Variants in DGLUCY observed in about 807,000 individuals in gnomAD.
DGLUCY encodes the protein D-glutamate cyclase, mitochondrial.
A neutral mutation model predicts 58.5 loss-of-function variants in DGLUCY; 58 were observed. The ratio of observed to expected loss-of-function variants is 0.99; its 90% CI spans 0.80 to 1.23. The LOEUF (loss-of-function observed/expected upper bound fraction) is 1.23, where lower values mean the gene tolerates loss of function less well. Among genes scored for constraint, DGLUCY ranks in the 50% most tolerant of loss-of-function variants. The pLI is 0.00. For missense variants in DGLUCY, 779 were observed against 784.7 expected (o/e 0.99, Z 0.09); for synonymous variants, 325 against 314.1 (o/e 1.03, Z -0.37).
intron 1 of DGLUCY, among the ~76,000 whole-genome samples, chr14:91,155,028 C>G (rs867349697): frequency 1.2e-4 from 18 of 152,208 alleles, no homozygotes; most frequent in African/African-American, 3.9e-4. Context: ...CCCTCCCCAG[C>G]CTGCTTCTAG....
At chr14:91,102,154 T>C (rs934415059) in intron 1 of DGLUCY, among the ~76,000 whole-genome samples, 1 of 152,216 alleles carries the variant, frequency 6.6e-6, no homozygotes, top group Non-Finnish European at 1.5e-5. Flanking sequence ...ATCTACTATG[T>C]ATCAATAAAT....
intron 12 of DGLUCY, among the ~76,000 whole-genome samples, chr14:91,211,268 A>G (rs1885641097): frequency 6.6e-6 from 1 of 152,230 alleles, no homozygotes; most frequent in Admixed American, 6.5e-5. Context: ...AACTTGATCA[A>G]TAAATTTGAT....
At chr14:91,173,474 G>C (rs771261342) in intron 6 of DGLUCY, 35 bp downstream of exon 6, 9 of 1,554,272 alleles carry the variant, frequency 5.8e-6, no homozygotes, top group South Asian at 4.9e-5. Flanking sequence ...TGATCTTCCT[G>C]TTCACATGGG....
chr14:91,146,656 C>T (rs756446811), intron 1 of DGLUCY, among the ~76,000 whole-genome samples: 4 of 152,068 alleles, frequency 2.6e-5, no homozygotes, highest in South Asian at 4.1e-4. Context: ...AAGGCTGATG[C>T]GGCTAGTAAG....
At chr14:91,148,305 A>G (rs967886905) in intron 1 of DGLUCY, among the ~76,000 whole-genome samples, 1 of 151,486 alleles carries the variant, frequency 6.6e-6, no homozygotes, top group Admixed American at 6.6e-5. Context: ...CCAAGGCTCA[A>G]GCGATATTCC....
intron 1 of DGLUCY, among the ~76,000 whole-genome samples, chr14:91,116,324 G>A (rs969637266): frequency 2.0e-5 from 3 of 152,202 alleles, no homozygotes; most frequent in Admixed American, 2.0e-4. Flanking sequence ...GCTCCATGAA[G>A]TCTGTAATTT....
intron 6 of DGLUCY, chr14:91,173,740 C>G (rs922155779): frequency 3.6e-6 from 1 of 279,554 alleles, no homozygotes; most frequent in African/African-American, 2.2e-5. Context: ...TACAGATGCC[C>G]CTCAGGTTTA....
intron 1 of DGLUCY, among the ~76,000 whole-genome samples, chr14:91,076,542 G>A (rs769522902): frequency 6.6e-6 from 1 of 152,134 alleles, no homozygotes; most frequent in Non-Finnish European, 1.5e-5. Flanking sequence ...CACTGTGTGT[G>A]CAATAGTGTC....
At chr14:91,100,490 G>A (rs2044467138) in intron 1 of DGLUCY, among the ~76,000 whole-genome samples, 1 of 152,192 alleles carries the variant, frequency 6.6e-6, no homozygotes, top group Non-Finnish European at 1.5e-5. Context: ...GACTTAACGT[G>A]ACTTCTCTCT....
chr14:91,214,316 ATTC>A lies in DGLUCY; in HGVS notation c.1565-1082_1565-1080del, dbSNP rs79625590. Among the ~76,000 whole-genome samples, 346 of 152,242 alleles carry A rather than the reference ATTC, an allele frequency of 2.3e-3. 11 individuals carry two copies. In the East Asian group the frequency reaches 0.058, roughly 25 times the overall value. ...TTATTGCTTACCAGGCCCTTCATCAATTCTTCTTCAACTGCATGGAGAACTCAA... is the reference window on the plus strand; with the variant it reads ...TTATTGCTTACCAGGCCCTTCATCAATTCTTCAACTGCATGGAGAACTCAA... On this transcript the variant is annotated intron_variant, in intron 12 of 13. Transcript: ENST00000256324.
intron 1 of DGLUCY, among the ~76,000 whole-genome samples, chr14:91,080,971 A>C (rs1289695923): frequency 1.3e-5 from 2 of 152,198 alleles, no homozygotes; most frequent in African/African-American, 4.8e-5. Flanking sequence ...TGGGAGGCCG[A>C]GGCCGGTGGT....
intron 13 of DGLUCY, among the ~76,000 whole-genome samples, chr14:91,222,251 G>C (rs940228217): frequency 6.6e-6 from 1 of 152,208 alleles, no homozygotes; most frequent in Non-Finnish European, 1.5e-5. Context: ...GCTGGTCCCT[G>C]TGTCTCTTGG....
intron 1 of DGLUCY, among the ~76,000 whole-genome samples, chr14:91,099,768 C>T (rs1595641285): frequency 6.6e-6 from 1 of 152,288 alleles, no homozygotes; most frequent in South Asian, 2.1e-4. Flanking sequence ...GCAGGCAGCA[C>T]ACATGGTTTC....
chr14:91,219,760 A>G (rs1000469268), intron 13 of DGLUCY, among the ~76,000 whole-genome samples: 1 of 152,216 alleles, frequency 6.6e-6, no homozygotes, highest in Non-Finnish European at 1.5e-5. Context: ...CTAAGACGTC[A>G]TCAAGGGCCA....
intron 1 of DGLUCY, among the ~76,000 whole-genome samples, chr14:91,076,547 A>T (rs1220703776): frequency 6.6e-6 from 1 of 152,086 alleles, no homozygotes; most frequent in African/African-American, 2.4e-5. Flanking sequence ...TGTGTGCAAT[A>T]GTGTCTTGAG....
At chr14:91,092,691 C>A (rs1043215734) in intron 1 of DGLUCY, among the ~76,000 whole-genome samples, 1 of 152,160 alleles carries the variant, frequency 6.6e-6, no homozygotes, top group African/African-American at 2.4e-5. Context: ...GGCTTCATGG[C>A]CCCAGATTGG....
chr14:91,169,726 G>A lies in DGLUCY; in HGVS notation c.258-277G>A, dbSNP rs145330246. ...TGCCTGGCCACCATTTACTTTTCTC[G>A]GTGGTTTGGCTTGTTTTGGCTTGCG... On this transcript the variant is annotated intron_variant, in intron 4 of 13. Coordinates refer to ENST00000256324, the MANE Select transcript of DGLUCY (RefSeq NM_001102368.3). Among the ~76,000 whole-genome samples the A allele has an allele frequency of 7.2e-3, 1,092 of 152,036 alleles. 8 individuals carry two copies. Among genetic ancestry groups the A allele is most frequent in the Non-Finnish European group, 0.011 (761 of 67,950 alleles).
intron 9 of DGLUCY, among the ~76,000 whole-genome samples, chr14:91,190,164 T>A (rs542300531): frequency 6.6e-6 from 1 of 151,680 alleles, no homozygotes; most frequent in Admixed American, 6.6e-5. Flanking sequence ...ATTTTTTGTA[T>A]TTTTAGTAGA....
chr14:91,146,907 C>A (rs751547668), intron 1 of DGLUCY, among the ~76,000 whole-genome samples: 13 of 152,090 alleles, frequency 8.5e-5, no homozygotes, highest in Non-Finnish European at 1.0e-4. Flanking sequence ...CCAAGCTGTT[C>A]CCCTGGAAAT....
Sources: gnomAD v4.1 joint callset for allele counts (sites outside exome capture counted in the v4.1 genomes callset) on GRCh38, gnomAD v4.1.1 for gene constraint, MANE v1.5 for transcripts, NCBI Gene and HGNC (gene_info 2026-07-23, HGNC 2026-07-21) for gene names.